PRR12: variants seen among roughly 807,000 people sequenced by gnomAD.
PRR12 encodes the protein proline rich 12, also known as proline-rich protein 12.
Under a neutral mutation model 138.0 loss-of-function variants are expected in PRR12, and 12 were observed. The observed-to-expected ratio is 0.09, with a 90% CI of 0.06 to 0.14. PRR12 has a LOEUF of 0.14. Among genes scored for constraint, PRR12 ranks in the 10% least tolerant of loss-of-function variants. The pLI is 1.00. For missense variants in PRR12, 2,692 were observed against 2,861.3 expected, an observed-to-expected ratio of 0.94 and a Z score of 1.35; for synonymous variants, 1,567 against 1,291.7, an observed-to-expected ratio of 1.21 and a Z score of -4.57.
rs528541664 is a variant in PRR12 at position 49,614,691 on chromosome 19, C to T, written c.4890+42C>T. ...GACCAAGGACTTGGGGGCCCCGGGG[C>T]GTGGTATCTAGGAGCTGGGGTTCCC... On this transcript the variant is annotated intron_variant, in intron 7 of 13. Coordinates refer to ENST00000418929, the MANE Select transcript of PRR12 (RefSeq NM_020719.3). The surrounding 1 kb of genome is among the most constrained non-coding windows in gnomAD (Gnocchi z 5.0). The T allele has an allele frequency of 3.3e-5, 50 of 1,519,500 alleles. No homozygotes were observed. The highest frequency in any genetic ancestry group is 2.8e-4 in the South Asian group (23 of 82,424). 94.1% of individuals were successfully genotyped at this position (1,519,500 alleles called of 1,614,324 possible). A position where few individuals can be genotyped will look rare whatever the true frequency, so the allele number is the denominator to read the frequency against.
At position 49,616,150 on chromosome 19, in the gene PRR12, A is replaced by T; in HGVS notation, c.5428A>T (p.Thr1810Ser). The stretch of plus-strand genomic sequence containing the variant: ...GCTGAAGGAGGCAGGCGGCAACGCT[A>T]CAGCAGGCGGGGGCCCACCAGGCAG... ...KWLKEAGGNA[T>S]AGGGPPGSSS... Residue 1810 changes from threonine to serine, a missense_variant, in exon 9 of 14, where the codon ACA (threonine) becomes TCA (serine). By Grantham distance (58) the Thr-to-Ser change is moderately conservative (BLOSUM62 1). This residue lies in a region of PRR12 where 259 missense variants were observed against 265.1 expected (regional missense o/e 0.98). Transcript: ENST00000418929. This position sits in a 1 kb window ranked among gnomAD's most constrained non-coding sequence, Gnocchi z 4.2. 1 of 1,564,024 alleles carries T rather than the reference A, an allele frequency of 6.4e-7. No homozygotes were observed. Among genetic ancestry groups the T allele is most frequent in the Non-Finnish European group, 8.7e-7 (1 of 1,154,822 alleles).
intron 6 of PRR12, among the ~76,000 whole-genome samples, chr19:49,605,675 A>G (rs1384317494): frequency 6.6e-6 from 1 of 152,252 alleles, no homozygotes; most frequent in Non-Finnish European, 1.5e-5. Context: ...GACTTTGACC[A>G]TCCCCATTTT....
intron 6 of PRR12, among the ~76,000 whole-genome samples, chr19:49,611,126 G>A (rs2080863788): frequency 1.3e-5 from 2 of 152,150 alleles, no homozygotes; most frequent in South Asian, 4.1e-4. Flanking sequence ...ACAGGCATGA[G>A]CCACTGCGCC....
rs1244108329 is a variant in PRR12, at chr19:49,615,755, G to C, written c.5033G>C (p.Gly1678Ala). The change falls in exon 9 of 14, where the codon GGG becomes GCG. Residue 1678 changes from glycine (G) to alanine (A), a missense_variant. This residue lies in a region of PRR12 where 259 missense variants were observed against 265.1 expected (regional missense o/e 0.98). Coordinates refer to ENST00000418929, the MANE Select transcript of PRR12 (RefSeq NM_020719.3). Reference sequence around the variant, plus strand: ...TCTCTGTTCCCTTCTAGACGCTCTGGGCAGGCCAAGAACCCCGTATCTGCT... The same window carrying C: ...TCTCTGTTCCCTTCTAGACGCTCTGCGCAGGCCAAGAACCCCGTATCTGCT... ...HRPPVPVRRSGQAKNPVSAGG... is the reference protein window; with the variant it reads ...HRPPVPVRRSAQAKNPVSAGG... 1 of 1,612,392 alleles carries C rather than the reference G, an allele frequency of 6.2e-7. No homozygotes were observed. Among genetic ancestry groups the C allele is most frequent in the Non-Finnish European group, 8.5e-7 (1 of 1,179,252 alleles).
intron 6 of PRR12, among the ~76,000 whole-genome samples, chr19:49,603,334 CATT>C (rs2080821824): frequency 6.6e-6 from 1 of 152,242 alleles, no homozygotes; most frequent in African/African-American, 2.4e-5. Context: ...CCATGTCAAT[CATT>C]GTCATTGATT....
rs1291085757 is a variant in PRR12 at position 49,596,636 on chromosome 19, A to C, written c.2301A>C (p.Pro767=). 16 of 1,581,920 alleles carry C rather than the reference A, an allele frequency of 1.0e-5. No homozygotes were observed. Among genetic ancestry groups the C allele is most frequent in the South Asian group, 2.3e-5 (2 of 87,886 alleles). The change falls in exon 4 of 14, where the codon CCA becomes CCC. Residue 767 remains proline, a synonymous_variant. Transcript: ENST00000418929. This position sits in a 1 kb window ranked among gnomAD's most constrained non-coding sequence, Gnocchi z 5.6. Reference sequence around the variant, plus strand: ...TCTTGCAAAAGAGCCCTCCGCCCCCACCTCCCACGGCCCAGTCTACCCAGC... The same window carrying C: ...TCTTGCAAAAGAGCCCTCCGCCCCCCCCTCCCACGGCCCAGTCTACCCAGC... The part of the protein sequence containing the change: ...GAFLQKSPPP[P]PPTAQSTQPT...
Position 49,594,374 on chromosome 19 carries a change from C to G in PRR12, c.200-80C>G. On this transcript the variant is annotated intron_variant, in intron 2 of 13. Coordinates refer to ENST00000418929, the MANE Select transcript of PRR12 (RefSeq NM_020719.3). This position sits in a 1 kb window ranked among gnomAD's most constrained non-coding sequence, Gnocchi z 5.6. ...CCCCTCCTTTTCCTGATCCAACTTG[C>G]TTTTGGCCTCTTCCCTTTCTCTCTT... The G allele has an allele frequency of 7.2e-7, 1 of 1,388,916 alleles. No homozygotes were observed. Among genetic ancestry groups the G allele is most frequent in the South Asian group, 1.4e-5 (1 of 70,068 alleles). The allele number at this position is 1,388,916 out of a possible 1,614,324, so 86.0% of individuals were successfully genotyped here.
Position 49,614,759 on chromosome 19 carries a change from G to A in PRR12, c.4890+110G>A. 1 of 1,525,672 alleles carries A rather than the reference G, an allele frequency of 6.6e-7. No individual in the cohort carries two copies. Among genetic ancestry groups the A allele is most frequent in the Admixed American group, 1.9e-5 (1 of 52,332 alleles). The allele number at this position is 1,525,672 out of a possible 1,614,324, so 94.5% of individuals were successfully genotyped here. A position where few individuals can be genotyped will look rare whatever the true frequency, so the allele number is the denominator to read the frequency against. ...TCACTCCACAGTGTATCTGGAAGGG[G>A]GCCCCCTGCTGCCGGCAGGCTCCAA... On this transcript the variant is annotated intron_variant, in intron 7 of 13. Coordinates refer to ENST00000418929, the MANE Select transcript of PRR12 (RefSeq NM_020719.3). This position sits in a 1 kb window ranked among gnomAD's most constrained non-coding sequence, Gnocchi z 5.0.
chr19:49,598,125 G>C, intron 4 of PRR12, 112 bp downstream of exon 4: 3 of 1,165,584 alleles, frequency 2.6e-6, no homozygotes, highest in Non-Finnish European at 3.2e-6. Context: ...CCAGGCTGGA[G>C]TGCAGTGGCA....
At position 49,624,963 on chromosome 19, in the gene PRR12, G is replaced by A; in HGVS notation, c.5841G>A (p.Lys1947=). ...GEPYNRKTLS[K]LKRSVVRAQE... is the part of the protein sequence containing the mutation. Reference sequence around the variant, plus strand: ...CCTACAACCGCAAGACGCTCAGCAAGCTCAAGAGGAGCGTGGTCAGAGCCC... The same window carrying A: ...CCTACAACCGCAAGACGCTCAGCAAACTCAAGAGGAGCGTGGTCAGAGCCC... Residue 1947 remains lysine (K), a synonymous_variant, in exon 12 of 14, where the codon AAG becomes AAA. Transcript: ENST00000418929. The A allele has an allele frequency of 1.3e-6, 2 of 1,596,666 alleles. No individual in the cohort carries two copies. Among genetic ancestry groups the A allele is most frequent in the South Asian group, 2.3e-5 (2 of 88,698 alleles).
In PRR12 at chr19:49,620,325, C is replaced by A. The variant is rs780094475; in HGVS notation, c.5498-27C>A. On this transcript the variant is annotated intron_variant, in intron 9 of 13. Coordinates refer to ENST00000418929, the MANE Select transcript of PRR12 (RefSeq NM_020719.3). ...GTGGTCTCAGAGGAAATTGGGATAA[C>A]GAGCCTGCGTCCTGTCTTTTCTGCA... 5.0e-6 allele frequency: 8 copies of A among 1,611,706 alleles called. 1 individual carries two copies. In the Middle Eastern group the frequency reaches 1.2e-3, roughly 232 times the overall value.
At chr19:49,591,773 C>T (rs1216990327) in intron 1 of PRR12, 33 bp downstream of exon 1, 8 of 1,347,240 alleles carry the variant, frequency 5.9e-6, no homozygotes, top group South Asian at 1.6e-5. Context: ...GAGAAGGGGG[C>T]CAAGGGGTGG....
At position 49,591,463 on chromosome 19, in the gene PRR12, T is replaced by G. The variant is rs938527846; in HGVS notation, c.-192T>G. On this transcript the variant is annotated 5_prime_UTR_variant, in exon 1 of 14. Coordinates refer to ENST00000418929, the MANE Select transcript of PRR12 (RefSeq NM_020719.3). ...CTGCACCCCCTCCCTTGCCCGCCCC[T>G]CCGCCCCTGCCCCCTCCCTCCCCCG... is the stretch of plus-strand genomic sequence containing the variant. 1.4e-4 allele frequency among the ~76,000 whole-genome samples: 1 copy of G among 7,158 alleles called. No individual in the cohort carries two copies. Among genetic ancestry groups the G allele is most frequent in the African/African-American group, 7.0e-4 (1 of 1,432 alleles). The allele number at this position is 7,158 out of a possible 152,430, so 4.7% of individuals were successfully genotyped here. A position where few individuals can be genotyped will look rare whatever the true frequency, so the allele number is the denominator to read the frequency against.
Position 49,625,383 on chromosome 19 carries a change from C to T in PRR12, c.5965-78C>T. On this transcript the variant is annotated intron_variant, in intron 13 of 13. Coordinates refer to ENST00000418929, the MANE Select transcript of PRR12 (RefSeq NM_020719.3). This position sits in a 1 kb window ranked among gnomAD's most constrained non-coding sequence, Gnocchi z 5.5. ...CCTGGGACACTGACATCTGACACCC[C>T]AGGCCCCATGCCCCAGCCCCTTCCC... The T allele has an allele frequency of 3.4e-6, 5 of 1,481,034 alleles. No individual in the cohort carries two copies. Among genetic ancestry groups the T allele is most frequent in the Admixed American group, 2.1e-5 (1 of 48,378 alleles). 91.7% of individuals were successfully genotyped at this position (1,481,034 alleles called of 1,614,324 possible). A position where few individuals can be genotyped will look rare whatever the true frequency, so the allele number is the denominator to read the frequency against.
In PRR12 at chr19:49,596,162, A is replaced by T. The variant is rs746770576; in HGVS notation, c.1827A>T (p.Ala609=). The change falls in exon 4 of 14, where the codon GCA becomes GCT. Residue 609 remains alanine (A), a synonymous_variant. Coordinates refer to ENST00000418929, the MANE Select transcript of PRR12 (RefSeq NM_020719.3). The surrounding 1 kb of genome is among the most constrained non-coding windows in gnomAD (Gnocchi z 5.6). ...CACCTCCGGGAGCTGGCAGCTATGC[A>T]GCCGGAGCAGGTGGCTACAAGGGCA... ...FLAPPGAGSY[A]AGAGGYKGKG... is the part of the protein sequence containing the mutation. 6.2e-6 allele frequency: 10 copies of T among 1,608,590 alleles called. No homozygotes were observed. The Admixed American group carries it at 1.2e-4, about 19-fold the overall frequency.
chr19:49,615,528 C>T (rs2080887363), intron 8 of PRR12, among the ~76,000 whole-genome samples: 1 of 119,070 alleles, frequency 8.4e-6, no homozygotes, highest in Non-Finnish European at 1.7e-5. Context: ...GTCAGAGACC[C>T]AGAGAGGGAG....
At chr19:49,613,315 A>G (rs1168628425) in intron 6 of PRR12, among the ~76,000 whole-genome samples, 1 of 144,512 alleles carries the variant, frequency 6.9e-6, no homozygotes, top group East Asian at 2.0e-4. Context: ...AGCCTGGCTG[A>G]CTGAGGCTCC....
intron 5 of PRR12, 68 bp downstream of exon 5, chr19:49,600,006 G>T (rs1806940891): frequency 8.4e-6 from 12 of 1,421,794 alleles, no homozygotes; most frequent in Non-Finnish European, 1.0e-5. Context: ...TAACAGTTGT[G>T]CAGGTTACGC....
chr19:49,616,100 C>G lies in PRR12; in HGVS notation c.5378C>G (p.Pro1793Arg). Residue 1793 changes from proline (P) to arginine (R), a missense_variant, in exon 9 of 14, where the codon CCG becomes CGG. Physicochemically the swap from Pro to Arg is moderately radical, Grantham distance 103. Coordinates refer to ENST00000418929, the MANE Select transcript of PRR12 (RefSeq NM_020719.3). The surrounding 1 kb of genome is among the most constrained non-coding windows in gnomAD (Gnocchi z 4.2). ...CGGCCTACCAAGGTGAAGGCTGAAC[C>G]GCCCCCTAAGAAGAGGAAGAAATGG... ...KARPTKVKAE[P>R]PPKKRKKWLK... The G allele has an allele frequency of 6.4e-7, 1 of 1,567,308 alleles. No individual in the cohort carries two copies. Among genetic ancestry groups the G allele is most frequent in the Admixed American group, 1.9e-5 (1 of 52,996 alleles).
Sources: allele counts gnomAD v4.1 joint callset (sites outside exome capture counted in the v4.1 genomes callset), GRCh38; gene constraint gnomAD v4.1.1; regional missense constraint gnomAD v4.1.1; non-coding constraint Gnocchi (gnomAD v3.1); transcripts MANE v1.5; gene names NCBI Gene and HGNC (gene_info 2026-07-23, HGNC 2026-07-21).